The following GRIPAP1 variants were observed in gnomAD, a reference collection of about 807,000 sequenced individuals.
GRIPAP1 encodes GRIP1-associated protein 1.
GRIPAP1 carries 14 observed loss-of-function variants against 84.1 expected under a neutral mutation model. The observed-to-expected ratio is 0.17, with a 90% confidence interval of 0.11 to 0.26. GRIPAP1 has a LOEUF of 0.26. Among genes scored for constraint, GRIPAP1 ranks in the 10% least tolerant of loss-of-function variants. The probability of loss-of-function intolerance (pLI) is 1.00; values close to 1 mark genes in which losing one functional copy is unlikely to be tolerated. For synonymous variants in GRIPAP1, 261 were observed against 256.8 expected, an observed-to-expected ratio of 1.02 and a Z score of -0.15; for missense variants, 518 against 674.2, an observed-to-expected ratio of 0.77 and a Z score of 2.57.
chrX:48,978,452 A>G lies in GRIPAP1; in HGVS notation c.1931-17T>C. ...CCTCAAGGCCTGGGTGGTGGAGGGA[A>G]GAGAAACTTGAGCCCCAATACCCCT... On this transcript the variant is annotated splice_polypyrimidine_tract_variant and intron_variant, in intron 21 of 25. Transcript: ENST00000376423. 2 of 1,180,938 alleles carry G rather than the reference A, an allele frequency of 1.7e-6. No homozygotes were observed. The highest frequency in any genetic ancestry group is 3.8e-5 in the South Asian group (2 of 52,983).
chrX:49,001,579 C>A (rs1485724412), intron 1 of GRIPAP1, among the ~76,000 whole-genome samples: 2 of 110,298 alleles, frequency 1.8e-5, no homozygotes, highest in Non-Finnish European at 3.8e-5. Context: ...GCCTTCTTCA[C>A]CCCAGGCCTA....
At chrX:48,990,756 G>A in intron 7 of GRIPAP1, 24 bp from the exon 8 acceptor site, 1 of 1,187,037 alleles carries the variant, frequency 8.4e-7, no homozygotes, top group African/African-American at 1.7e-5. Flanking sequence ...TGAGGGATGG[G>A]AGGGTTGTTG....
chrX:48,984,776 A>G (rs1344845363), intron 14 of GRIPAP1, among the ~76,000 whole-genome samples: 1 of 103,187 alleles, frequency 9.7e-6, no homozygotes, highest in Non-Finnish European at 2.0e-5. Context: ...TAATACCAGC[A>G]CTTCGGGAGG....
chrX:49,000,183 G>T (rs191209872), intron 1 of GRIPAP1, among the ~76,000 whole-genome samples: 85 of 107,995 alleles, frequency 7.9e-4, no homozygotes, highest in African/African-American at 2.8e-3. Context: ...GCCCAATATG[G>T]TGAAACCCCG....
chrX:48,978,239 G>C, intron 22 of GRIPAP1, 66 bp downstream of exon 22: 26 of 1,141,099 alleles, frequency 2.3e-5, no homozygotes, highest in Non-Finnish European at 3.1e-5. Flanking sequence ...GAGGAGAAAA[G>C]GGGAGGGGTT....
intron 21 of GRIPAP1, among the ~76,000 whole-genome samples, chrX:48,980,576 A>C (rs2064450201): frequency 3.6e-5 from 4 of 110,471 alleles, no homozygotes; most frequent in African/African-American, 1.3e-4. Flanking sequence ...GGAAGAGATA[A>C]AGGGACAGAG....
At chrX:48,980,584 G>C (rs1602468742) in intron 21 of GRIPAP1, among the ~76,000 whole-genome samples, 1 of 110,093 alleles carries the variant, frequency 9.1e-6, no homozygotes, top group East Asian at 2.9e-4. Context: ...TAAAGGGACA[G>C]AGAAAAGAAA....
In GRIPAP1 at chrX:48,997,262, G is replaced by T; in HGVS notation, c.294C>A (p.Ala98=). Reference sequence around the variant, plus strand: ...CAGGCACCAGCACCTTGCTGAACTCGGCCATTAGTGTGCTGTTCTGCAAAC... The same window carrying T: ...CAGGCACCAGCACCTTGCTGAACTCTGCCATTAGTGTGCTGTTCTGCAAAC... ...DFRLQNSTLM[A]EFSKLCSQME... is the part of the protein sequence containing the mutation. Residue 98 remains alanine, a synonymous_variant, in exon 5 of 26, where the codon GCC becomes GCA. Transcript: ENST00000376423. 8.8e-7 allele frequency: 1 copy of T among 1,137,840 alleles called. No individual in the cohort carries two copies. Among genetic ancestry groups the T allele is most frequent in the Non-Finnish European group, 1.2e-6 (1 of 835,537 alleles). 93.8% of individuals were successfully genotyped at this position (1,137,840 alleles called of 1,213,427 possible). A position where few individuals can be genotyped will look rare whatever the true frequency, so the allele number is the denominator to read the frequency against.
At chrX:48,985,165 C>T in intron 14 of GRIPAP1, 103 bp downstream of exon 14, 3 of 678,661 alleles carry the variant, frequency 4.4e-6, no homozygotes, top group Non-Finnish European at 4.5e-6. Context: ...AGACTGGAAC[C>T]TAGGTCCTCC....
At chrX:48,989,546 C>G (rs1280174511) in intron 11 of GRIPAP1, 65 bp downstream of exon 11, 6 of 741,706 alleles carry the variant, frequency 8.1e-6, no homozygotes, top group Non-Finnish European at 1.2e-5. Context: ...CCATGGACCT[C>G]AGACCTCTCC....
In GRIPAP1 at chrX:48,974,296, A is replaced by G. The variant is rs782051613; in HGVS notation, c.2434-11T>C. The stretch of plus-strand genomic sequence containing the variant: ...CAGAACTTCCATATCCTAAGAAACA[A>G]ATGAACCATCAGGGGCCAGAGAAGG... On this transcript the variant is annotated splice_polypyrimidine_tract_variant and intron_variant, in intron 25 of 25. Transcript: ENST00000376423. 3.5e-6 allele frequency: 4 copies of G among 1,148,328 alleles called. No homozygotes were observed. In the East Asian group the frequency reaches 1.2e-4, roughly 34 times the overall value. 94.6% of individuals were successfully genotyped at this position (1,148,328 alleles called of 1,213,427 possible).
chrX:48,985,196 C>T (rs1464202801), intron 14 of GRIPAP1, 72 bp downstream of exon 14: 6 of 980,114 alleles, frequency 6.1e-6, no homozygotes, highest in Non-Finnish European at 8.6e-6. Context: ...CTTCCCACTC[C>T]ACCTTACTGG....
At chrX:48,974,893 G>A (rs2064414110) in intron 25 of GRIPAP1, among the ~76,000 whole-genome samples, 1 of 111,784 alleles carries the variant, frequency 8.9e-6, no homozygotes, top group Non-Finnish European at 1.9e-5. Context: ...AGTAGATTGG[G>A]TAGATGGACA....
intron 17 of GRIPAP1, among the ~76,000 whole-genome samples, chrX:48,982,190 T>C (rs1437113477): frequency 8.9e-6 from 1 of 112,340 alleles, no homozygotes; most frequent in East Asian, 2.8e-4. Flanking sequence ...GTAGATATTA[T>C]TGTTACCCCC....
chrX:48,983,676 C>T, intron 15 of GRIPAP1, 99 bp downstream of exon 15: 1 of 613,818 alleles, frequency 1.6e-6, no homozygotes. Flanking sequence ...CCTTTCCCTC[C>T]TATCCCCACA....
chrX:48,981,802 T>C lies in GRIPAP1; in HGVS notation c.1670A>G (p.Glu557Gly). Residue 557 changes from glutamate (E) to glycine (G), a missense_variant, in exon 18 of 26, where the codon GAG becomes GGG. Around this residue, in one of 5 missense-constraint regions of GRIPAP1, gnomAD observed 372 missense variants for 458.1 expected, o/e 0.81. Transcript: ENST00000376423. ...CCATCATGCGAGAGGCACCTTCAGC[T>C]CGGCAGCGTGCTGCTCCCGACACTG... ...LKQCREQHAA[E>G]LKGKEEELQD... 2 of 1,178,454 alleles carry C rather than the reference T, an allele frequency of 1.7e-6. No homozygotes were observed. The highest frequency in any genetic ancestry group is 2.3e-6 in the Non-Finnish European group (2 of 875,063).
chrX:48,986,710 T>C (rs2064489994), intron 13 of GRIPAP1, among the ~76,000 whole-genome samples: 1 of 111,745 alleles, frequency 8.9e-6, no homozygotes, highest in Non-Finnish European at 1.9e-5. Flanking sequence ...TTTGTATTTT[T>C]AGTAGAGACA....
intron 14 of GRIPAP1, among the ~76,000 whole-genome samples, chrX:48,984,559 T>C (rs1189504763): frequency 1.8e-5 from 2 of 108,242 alleles, no homozygotes; most frequent in Admixed American, 9.9e-5. Flanking sequence ...CTACTAAAAA[T>C]ACAAAATTAG....
At chrX:48,982,942 A>C (rs782261223) in intron 17 of GRIPAP1, 37 bp downstream of exon 17, 1 of 937,130 alleles carries the variant, frequency 1.1e-6, no homozygotes. Context: ...GAGGGCCCCA[A>C]TCAGCCTCTG....
Sources: allele counts gnomAD v4.1 joint callset (sites outside exome capture counted in the v4.1 genomes callset), GRCh38; gene constraint gnomAD v4.1.1; regional missense constraint gnomAD v4.1.1; transcripts MANE v1.5; gene names NCBI Gene and HGNC (gene_info 2026-07-23, HGNC 2026-07-21).